The following RAD51B variants were observed in gnomAD, a reference collection of about 807,000 sequenced individuals.
RAD51B encodes the protein RAD51 paralog B, also known as DNA repair protein RAD51 homolog 2.
RAD51B carries 38 observed loss-of-function variants against 42.2 expected under a neutral mutation model. That is an observed-to-expected ratio of 0.90 (90% CI 0.70 to 1.18). The LOEUF is 1.18. Ranked by LOEUF, RAD51B falls within the 50% of genes most tolerant of loss-of-function variation. The probability of loss-of-function intolerance (pLI) is 0.00; values close to 1 mark genes in which losing one functional copy is unlikely to be tolerated. For synonymous variants in RAD51B, 154 were observed against 145.2 expected (o/e 1.06, Z -0.43); for missense variants, 373 against 400.7 (o/e 0.93, Z 0.59).
At chr14:68,008,376 A>G (rs182438814) in intron 7 of RAD51B, among the ~76,000 whole-genome samples, 11 of 152,090 alleles carry the variant, frequency 7.2e-5, no homozygotes, top group Admixed American at 3.9e-4. Flanking sequence ...TATGATAACA[A>G]TTCATAAAAA....
At chr14:68,456,947 C>T (rs890880694) in intron 9 of RAD51B, among the ~76,000 whole-genome samples, 4 of 112,016 alleles carry the variant, frequency 3.6e-5, no homozygotes, top group Non-Finnish European at 6.7e-5. Context: ...GAGTCTCACT[C>T]TGTCACCCAG....
intron 11 of RAD51B, among the ~76,000 whole-genome samples, chr14:68,657,525 G>C (rs1391026192): frequency 6.6e-6 from 1 of 152,262 alleles, no homozygotes; most frequent in Non-Finnish European, 1.5e-5. Context: ...AAGTGAGCCT[G>C]GTGGGGGGCC....
chr14:68,210,324 A>G (rs1177463098), intron 7 of RAD51B, among the ~76,000 whole-genome samples: 1 of 152,182 alleles, frequency 6.6e-6, no homozygotes, highest in Non-Finnish European at 1.5e-5. Context: ...GATTTATTCA[A>G]TGGGATGACA....
intron 10 of RAD51B, among the ~76,000 whole-genome samples, chr14:68,516,659 C>G (rs1424145742): frequency 6.6e-6 from 1 of 152,206 alleles, no homozygotes; most frequent in East Asian, 1.9e-4. Flanking sequence ...TATCAATGAA[C>G]TTTTTGTGCT....
At chr14:67,916,575 A>G (rs2044158562) in intron 7 of RAD51B, among the ~76,000 whole-genome samples, 1 of 151,940 alleles carries the variant, frequency 6.6e-6, no homozygotes, top group African/African-American at 2.4e-5. Flanking sequence ...AAACATAAGA[A>G]CCCACCTCAA....
chr14:68,184,231 T>G (rs1595522172), intron 7 of RAD51B, among the ~76,000 whole-genome samples: 1 of 152,072 alleles, frequency 6.6e-6, no homozygotes, highest in African/African-American at 2.4e-5. Flanking sequence ...TATAGTGAGA[T>G]TTTTTAAAAA....
At chr14:68,658,996 A>G (rs1892878480) in intron 11 of RAD51B, among the ~76,000 whole-genome samples, 1 of 151,964 alleles carries the variant, frequency 6.6e-6, no homozygotes, top group African/African-American at 2.4e-5. Flanking sequence ...GGGAGGGAGG[A>G]AAGGCTGGCG....
At chr14:67,843,660 T>C (rs1235987518) in intron 4 of RAD51B, among the ~76,000 whole-genome samples, 2 of 152,008 alleles carry the variant, frequency 1.3e-5, no homozygotes, top group Non-Finnish European at 2.9e-5. Context: ...TTTGTAGTAG[T>C]TCTCTGAGGG....
chr14:67,918,400 A>G (rs149742429), intron 7 of RAD51B, among the ~76,000 whole-genome samples: 9,103 of 152,052 alleles, frequency 0.06, 644 homozygotes, highest in African/African-American at 0.17. Flanking sequence ...ACACCCGGCT[A>G]ATTTTTGTAT....
chr14:67,868,993 G>T (rs2140001971), intron 5 of RAD51B, among the ~76,000 whole-genome samples: 1 of 152,342 alleles, frequency 6.6e-6, no homozygotes, highest in Admixed American at 6.5e-5. Flanking sequence ...GGAAAAAACA[G>T]AGCAGAAAAA....
intron 10 of RAD51B, among the ~76,000 whole-genome samples, chr14:68,648,114 T>C (rs1489347682): frequency 0.016 from 1,010 of 64,776 alleles, 42 homozygotes; most frequent in African/African-American, 0.079. Flanking sequence ...TACACACACG[T>C]ATATATATAT....
At chr14:68,048,708 A>G (rs2076342752) in intron 7 of RAD51B, among the ~76,000 whole-genome samples, 1 of 152,224 alleles carries the variant, frequency 6.6e-6, no homozygotes, top group Admixed American at 6.5e-5. Flanking sequence ...TCAGGAAACA[A>G]CAGGTGCTGG....
chr14:68,266,291 G>T (rs1395985424), intron 7 of RAD51B, among the ~76,000 whole-genome samples: 1 of 152,154 alleles, frequency 6.6e-6, no homozygotes, highest in African/African-American at 2.4e-5. Flanking sequence ...AAAGACCCAG[G>T]GAAAACTGTG....
At chr14:68,619,561 G>A (rs1207649753) in intron 10 of RAD51B, among the ~76,000 whole-genome samples, 1 of 152,150 alleles carries the variant, frequency 6.6e-6, no homozygotes, top group Admixed American at 6.5e-5. Flanking sequence ...AAGGAAGCAA[G>A]TTAGACAGAG....
At chr14:68,351,296 T>A (rs1566826526) in intron 8 of RAD51B, among the ~76,000 whole-genome samples, 1 of 152,144 alleles carries the variant, frequency 6.6e-6, no homozygotes, top group Non-Finnish European at 1.5e-5. Context: ...AGACCAGAAG[T>A]AGAAAAGTAC....
At chr14:68,437,827 C>T (rs570664811) in intron 9 of RAD51B, among the ~76,000 whole-genome samples, 1 of 152,192 alleles carries the variant, frequency 6.6e-6, no homozygotes, top group South Asian at 2.1e-4. Flanking sequence ...AGAACACTCA[C>T]AAGGAAGTGA....
chr14:67,833,115 C>T (rs2041111026), intron 3 of RAD51B, among the ~76,000 whole-genome samples: 1 of 152,130 alleles, frequency 6.6e-6, no homozygotes, highest in Non-Finnish European at 1.5e-5. Flanking sequence ...GTGGCTCACA[C>T]CTGTAATCCC....
chr14:68,491,651 C>T (rs1470729652), intron 10 of RAD51B, among the ~76,000 whole-genome samples: 5 of 152,190 alleles, frequency 3.3e-5, no homozygotes, highest in African/African-American at 9.7e-5. Context: ...CCCAGCCTAC[C>T]ACCTTCCAGC....
At chr14:68,660,840 C>G (rs2140145768) in intron 11 of RAD51B, among the ~76,000 whole-genome samples, 1 of 152,308 alleles carries the variant, frequency 6.6e-6, no homozygotes, top group South Asian at 2.1e-4. Context: ...CTGAAACTGG[C>G]CGACTTCTCA....
Sources: allele counts gnomAD v4.1 joint callset (sites outside exome capture counted in the v4.1 genomes callset), GRCh38; gene constraint gnomAD v4.1.1; transcripts MANE v1.5; gene names NCBI Gene and HGNC (gene_info 2026-07-23, HGNC 2026-07-21).